The following GARIN2 variants were observed in gnomAD, a reference collection of about 807,000 sequenced individuals.
GARIN2 encodes the protein golgi associated RAB2 interactor family member 2.
the GARIN2 span, among the ~76,000 whole-genome samples, chr14:67,190,091 A>AT: frequency 1.4e-5 from 1 of 73,576 alleles, no homozygotes; most frequent in South Asian, 4.3e-4. Flanking sequence ...TTTTTTTTGT[A>AT]TTTTTGTAGA....
the GARIN2 span, chr14:67,199,385 C>G: frequency 1.2e-6 from 2 of 1,613,864 alleles, no homozygotes; most frequent in Non-Finnish European, 8.5e-7. Flanking sequence ...GAACCTGGAC[C>G]CTGAGATTGA....
At chr14:67,214,597 CGTG>C in the GARIN2 span, among the ~76,000 whole-genome samples, 1 of 152,188 alleles carries the variant, frequency 6.6e-6, no homozygotes, top group East Asian at 1.9e-4. Context: ...AGTCAGGTAG[CGTG>C]GTGCCTCCAG....
chr14:67,204,910 G>C, the GARIN2 span: 1 of 1,611,286 alleles, frequency 6.2e-7, no homozygotes, highest in Non-Finnish European at 8.5e-7. Context: ...CGACATCACA[G>C]ATGTCACAGA....
At chr14:67,221,800 C>T in the GARIN2 span, 2 of 1,613,140 alleles carry the variant, frequency 1.2e-6, no homozygotes, top group Non-Finnish European at 1.7e-6. Flanking sequence ...CTGAATCAAA[C>T]ACTTCAGGTA....
chr14:67,200,091 TG>T, the GARIN2 span: 1 of 1,011,832 alleles, frequency 9.9e-7, no homozygotes, highest in Non-Finnish European at 1.5e-6. Flanking sequence ...TGCCTTATCC[TG>T]GACCTCCTCC....
the GARIN2 span, chr14:67,225,201 T>C: frequency 6.5e-7 from 1 of 1,546,518 alleles, no homozygotes; most frequent in Non-Finnish European, 8.7e-7. Context: ...GGAATGAATG[T>C]GAGGAAAGAA....
the GARIN2 span, chr14:67,199,994 C>T: frequency 9.5e-7 from 1 of 1,056,690 alleles, no homozygotes; most frequent in Non-Finnish European, 1.4e-6. Flanking sequence ...ATGCAGCTGG[C>T]ACACCATGGA....
the GARIN2 span, among the ~76,000 whole-genome samples, chr14:67,197,614 A>AC: frequency 5.9e-5 from 9 of 152,298 alleles, no homozygotes; most frequent in South Asian, 1.0e-3. Context: ...GGAGCGCGCA[A>AC]CCAAGAGCTA....
At chr14:67,199,467 C>T in the GARIN2 span, 2 of 1,612,990 alleles carry the variant, frequency 1.2e-6, no homozygotes, top group Non-Finnish European at 1.7e-6. Context: ...ATGTGGGACC[C>T]TGACACAGGC....
At chr14:67,203,446 G>A in the GARIN2 span, among the ~76,000 whole-genome samples, 7 of 152,294 alleles carry the variant, frequency 4.6e-5, no homozygotes, top group African/African-American at 9.6e-5. Flanking sequence ...CCTTGAAGAC[G>A]GGTGAAATCA....
chr14:67,218,922 C>T, the GARIN2 span, among the ~76,000 whole-genome samples: 2 of 151,996 alleles, frequency 1.3e-5, no homozygotes, highest in South Asian at 2.1e-4. Flanking sequence ...AAAGCCACAG[C>T]AGATCCTGGC....
the GARIN2 span, among the ~76,000 whole-genome samples, chr14:67,212,643 AC>A: frequency 6.8e-6 from 1 of 146,430 alleles, no homozygotes; most frequent in South Asian, 2.1e-4. Flanking sequence ...AATATATATT[AC>A]ATATATATAT....
the GARIN2 span, chr14:67,225,333 G>A: frequency 5.0e-5 from 54 of 1,074,726 alleles, no homozygotes; most frequent in Non-Finnish European, 5.6e-5. Context: ...CAAAAAAGTT[G>A]TTAATAAGTG....
the GARIN2 span, among the ~76,000 whole-genome samples, chr14:67,226,014 A>G: frequency 6.6e-6 from 1 of 151,002 alleles, no homozygotes; most frequent in African/African-American, 2.4e-5. Context: ...CTGAGTTCAC[A>G]GTATTGAAGG....
the GARIN2 span, among the ~76,000 whole-genome samples, chr14:67,210,811 G>C: frequency 2.0e-5 from 3 of 151,926 alleles, no homozygotes; most frequent in African/African-American, 7.3e-5. Flanking sequence ...CCAGGAGTTC[G>C]AGACCAGCCT....
chr14:67,195,113 T>C, the GARIN2 span, among the ~76,000 whole-genome samples: 1 of 152,182 alleles, frequency 6.6e-6, no homozygotes, highest in African/African-American at 2.4e-5. Context: ...TAGCACACAC[T>C]TCTCAGCTAT....
the GARIN2 span, among the ~76,000 whole-genome samples, chr14:67,202,318 G>T: frequency 7.9e-3 from 1,202 of 152,256 alleles, 7 homozygotes; most frequent in Non-Finnish European, 0.013. Flanking sequence ...GCATGTGCCT[G>T]TAATCCCAGC....
At chr14:67,199,198 A>T in the GARIN2 span, 1 of 1,606,508 alleles carries the variant, frequency 6.2e-7, no homozygotes, top group Non-Finnish European at 8.5e-7. Context: ...CACATGCCAA[A>T]GGATAGAGTC....
At chr14:67,194,965 A>G in the GARIN2 span, among the ~76,000 whole-genome samples, 1 of 152,160 alleles carries the variant, frequency 6.6e-6, no homozygotes, top group Non-Finnish European at 1.5e-5. Flanking sequence ...TCTCAGCCTC[A>G]AAGTGCTAAG....
Sources: gnomAD v4.1 joint callset for allele counts (sites outside exome capture counted in the v4.1 genomes callset) on GRCh38, gnomAD v4.1.1 for gene constraint, MANE v1.5 for transcripts, NCBI Gene and HGNC (gene_info 2026-07-23, HGNC 2026-07-21) for gene names.